The following CRTAC1 variants were observed in gnomAD, a reference collection of about 807,000 sequenced individuals.
CRTAC1 encodes the protein cartilage acidic protein 1.
CRTAC1 carries 37 observed loss-of-function variants against 67.8 expected under a neutral mutation model. The ratio of observed to expected loss-of-function variants is 0.55; its 90% CI spans 0.42 to 0.72. CRTAC1 has a LOEUF of 0.72. Ranked by LOEUF, CRTAC1 falls within the 30% of genes least tolerant of loss-of-function variation. The pLI is 0.00. For synonymous variants in CRTAC1, 348 were observed against 371.0 expected (o/e 0.94, Z 0.71); for missense variants, 780 against 931.6 (o/e 0.84, Z 2.12).
chr10:97,882,961 G>A (rs1210959831), intron 12 of CRTAC1, 133 bp from the exon 13 acceptor site: 1 of 881,656 alleles, frequency 1.1e-6, no homozygotes, highest in African/African-American at 1.7e-5. Context: ...TGGGCCTGGG[G>A]GGAGCCCCCT....
At position 98,000,659 on chromosome 10, in the gene CRTAC1, C is replaced by T. The variant is rs900177713; in HGVS notation, c.224+10479G>A. Reference sequence around the variant, plus strand: ...GGCCCAAGCAAAACTTGGGCAAAAGCGCCACCAGCCACAGGTGTCTGGCTA... The same window carrying T: ...GGCCCAAGCAAAACTTGGGCAAAAGTGCCACCAGCCACAGGTGTCTGGCTA... On this transcript the variant is annotated intron_variant, in intron 2 of 14. Coordinates refer to ENST00000370597, the MANE Select transcript of CRTAC1 (RefSeq NM_018058.7). Among the ~76,000 whole-genome samples the T allele has an allele frequency of 3.0e-4, 46 of 152,326 alleles. No individual in the cohort carries two copies. The East Asian group carries it at 3.7e-3, about 12-fold the overall frequency.
chr10:98,001,220 G>T (rs1258707125), intron 2 of CRTAC1, among the ~76,000 whole-genome samples: 1 of 152,108 alleles, frequency 6.6e-6, no homozygotes, highest in African/African-American at 2.4e-5. Flanking sequence ...ATATTACAAA[G>T]CAAGCCCCTC....
intron 2 of CRTAC1, among the ~76,000 whole-genome samples, chr10:97,974,258 T>G (rs1033150390): frequency 6.6e-6 from 1 of 152,000 alleles, no homozygotes; most frequent in Non-Finnish European, 1.5e-5. Flanking sequence ...CGGTGTGTAG[T>G]AGGGAGGACT....
intron 2 of CRTAC1, among the ~76,000 whole-genome samples, chr10:98,003,342 T>C (rs1172120882): frequency 1.3e-5 from 2 of 152,188 alleles, no homozygotes; most frequent in African/African-American, 4.8e-5. Context: ...TACAGTTCTG[T>C]ACATTAGAAG....
At chr10:97,938,795 C>A (rs770975470) in intron 2 of CRTAC1, among the ~76,000 whole-genome samples, 1 of 152,194 alleles carries the variant, frequency 6.6e-6, no homozygotes, top group Non-Finnish European at 1.5e-5. Context: ...TCAGTTCTCT[C>A]TAGGCTCTGC....
intron 2 of CRTAC1, among the ~76,000 whole-genome samples, chr10:97,967,713 C>T (rs1026384121): frequency 6.6e-6 from 1 of 152,128 alleles, no homozygotes; most frequent in Non-Finnish European, 1.5e-5. Context: ...AAAAAACATT[C>T]TGCAAAGTTG....
At chr10:98,028,653 G>A in intron 1 of CRTAC1, among the ~76,000 whole-genome samples, 1 of 152,194 alleles carries the variant, frequency 6.6e-6, no homozygotes, top group Non-Finnish European at 1.5e-5. Flanking sequence ...AGCCCAGATG[G>A]AGAAGGGAAG....
chr10:97,919,552 T>C (rs2050806345), intron 4 of CRTAC1, among the ~76,000 whole-genome samples: 1 of 152,100 alleles, frequency 6.6e-6, no homozygotes, highest in Non-Finnish European at 1.5e-5. Context: ...GTTATCTGAG[T>C]CTTTATGCTG....
chr10:97,990,922 C>T (rs897127843), intron 2 of CRTAC1, among the ~76,000 whole-genome samples: 8 of 151,760 alleles, frequency 5.3e-5, no homozygotes, highest in Admixed American at 1.3e-4. Flanking sequence ...AATGTTTAAA[C>T]GACTGCTTTA....
chr10:97,980,113 T>A (rs2051868445), intron 2 of CRTAC1, among the ~76,000 whole-genome samples: 1 of 152,198 alleles, frequency 6.6e-6, no homozygotes, highest in African/African-American at 2.4e-5. Context: ...AAATCTTTGT[T>A]TGCTCATTCA....
chr10:97,972,454 C>T (rs570187562), intron 2 of CRTAC1, among the ~76,000 whole-genome samples: 15 of 152,316 alleles, frequency 9.8e-5, no homozygotes, highest in South Asian at 2.1e-4. Context: ...TAAGTTCTCA[C>T]GCCCTCTGGG....
intron 11 of CRTAC1, among the ~76,000 whole-genome samples, chr10:97,885,076 TA>T (rs1207357280): frequency 6.6e-6 from 1 of 152,196 alleles, no homozygotes; most frequent in East Asian, 1.9e-4. Flanking sequence ...AACAAATAAA[TA>T]ATGCCAGATA....
intron 1 of CRTAC1, among the ~76,000 whole-genome samples, chr10:98,019,774 G>T (rs1590298865): frequency 6.6e-6 from 1 of 152,224 alleles, no homozygotes; most frequent in African/African-American, 2.4e-5. Context: ...GCAGGGATAA[G>T]GTGTCAGCAA....
intron 7 of CRTAC1, among the ~76,000 whole-genome samples, chr10:97,904,093 C>T (rs912249504): frequency 3.3e-5 from 5 of 151,236 alleles, no homozygotes; most frequent in Non-Finnish European, 4.4e-5. Flanking sequence ...TGGATCCTTT[C>T]CAGGAGCCAC....
rs546559012 is a variant in CRTAC1, at chr10:97,975,739, A to G, written c.224+35399T>C. ...GGGAAGACTGGGCTTCCAGCCCCTC[A>G]CTCCTATACAGAGGCCCTGTCTAAA... On this transcript the variant is annotated intron_variant, in intron 2 of 14. Transcript: ENST00000370597. This position sits in a 1 kb window ranked among gnomAD's most constrained non-coding sequence, Gnocchi z 4.8. Among the ~76,000 whole-genome samples the G allele has an allele frequency of 5.3e-4, 80 of 152,050 alleles. No individual in the cohort carries two copies. Among genetic ancestry groups the G allele is most frequent in the South Asian group, 8.3e-4 (4 of 4,816 alleles).
At position 97,948,689 on chromosome 10, in the gene CRTAC1, G is replaced by C. The variant is rs184460789; in HGVS notation, c.225-12323C>G. Among the ~76,000 whole-genome samples, 229 of 152,280 alleles carry C rather than the reference G, an allele frequency of 1.5e-3. 1 individual carries two copies. The highest frequency in any genetic ancestry group is 5.2e-3 in the African/African-American group (215 of 41,552). ...CAAGAAGATAGAATGAGGTGGAAGAGAGCAACTAGACAGTAATATCCTGTA... is the reference window on the plus strand; with the variant it reads ...CAAGAAGATAGAATGAGGTGGAAGACAGCAACTAGACAGTAATATCCTGTA... On this transcript the variant is annotated intron_variant, in intron 2 of 14. Coordinates refer to ENST00000370597, the MANE Select transcript of CRTAC1 (RefSeq NM_018058.7).
rs546296223 is a variant in CRTAC1, at chr10:97,872,718, G to C, written c.1820-7004C>G. Among the ~76,000 whole-genome samples the C allele has an allele frequency of 2.6e-5, 4 of 152,318 alleles. No homozygotes were observed. The East Asian group carries it at 7.7e-4, about 29-fold the overall frequency. On this transcript the variant is annotated intron_variant, in intron 14 of 14. Coordinates refer to ENST00000370597, the MANE Select transcript of CRTAC1 (RefSeq NM_018058.7). ...GATGAGCGAGAGGCCTGCCTGGCTT[G>C]AGATGGATGCTCGCAGACCCTGGAG...
chr10:97,879,681 A>T (rs1404030561), intron 14 of CRTAC1: 1 of 1,545,336 alleles, frequency 6.5e-7, no homozygotes, highest in African/African-American at 1.4e-5. Flanking sequence ...TATTGATGGG[A>T]TTTAAAGTGC....
intron 2 of CRTAC1, among the ~76,000 whole-genome samples, chr10:97,997,127 C>T (rs1336250123): frequency 6.7e-6 from 1 of 149,468 alleles, no homozygotes; most frequent in Non-Finnish European, 1.5e-5. Context: ...GGAGATATAC[C>T]TAATGCTAAA....
Sources: allele counts gnomAD v4.1 joint callset (sites outside exome capture counted in the v4.1 genomes callset), GRCh38; gene constraint gnomAD v4.1.1; non-coding constraint Gnocchi (gnomAD v3.1); transcripts MANE v1.5; gene names NCBI Gene and HGNC (gene_info 2026-07-23, HGNC 2026-07-21).